OPCML: variants seen among roughly 807,000 people sequenced by gnomAD.
The protein encoded by OPCML is opioid-binding protein/cell adhesion molecule.
A neutral mutation model predicts 37.8 loss-of-function variants in OPCML; 13 were observed. The ratio of observed to expected loss-of-function variants is 0.34; its 90% CI spans 0.22 to 0.55. The LOEUF (loss-of-function observed/expected upper bound fraction) is 0.55. Ranked by LOEUF, OPCML falls within the 20% of genes least tolerant of loss-of-function variation. OPCML has a pLI of 0.91. For missense variants in OPCML, 341 were observed against 435.6 expected (o/e 0.78, Z 1.93); for synonymous variants, 176 against 168.8 (o/e 1.04, Z -0.33).
At chr11:133,323,015 A>C (rs539087264) in intron 1 of OPCML, among the ~76,000 whole-genome samples, 1 of 152,346 alleles carries the variant, frequency 6.6e-6, no homozygotes, top group South Asian at 2.1e-4. Context: ...TGCTGTTAAT[A>C]TATCTAAGTG....
At chr11:133,530,104 G>C (rs903750426) in intron 1 of OPCML, among the ~76,000 whole-genome samples, 1 of 152,304 alleles carries the variant, frequency 6.6e-6, no homozygotes, top group South Asian at 2.1e-4. Context: ...GGGGGTGGGG[G>C]GGATAGCTTG....
chr11:132,994,580 A>T (rs1161686762), intron 1 of OPCML, among the ~76,000 whole-genome samples: 2 of 152,134 alleles, frequency 1.3e-5, no homozygotes, highest in Non-Finnish European at 2.9e-5. Flanking sequence ...TTTCACCTGT[A>T]AGCAGCGTTT....
chr11:132,947,723 G>A (rs982197338), intron 1 of OPCML, among the ~76,000 whole-genome samples: 1 of 152,194 alleles, frequency 6.6e-6, no homozygotes, highest in Admixed American at 6.5e-5. Context: ...ATGCTTGGCT[G>A]AGTATCATGA....
chr11:132,989,563 C>T (rs1409395705), intron 1 of OPCML, among the ~76,000 whole-genome samples: 2 of 150,220 alleles, frequency 1.3e-5, no homozygotes, highest in Non-Finnish European at 3.0e-5. Flanking sequence ...GGGGGAGGAC[C>T]ATGCGCTGGA....
Position 132,933,572 on chromosome 11 carries a change from G to A in OPCML, c.146+9354C>T, listed in dbSNP as rs183906950. On this transcript the variant is annotated intron_variant, in intron 2 of 7. Transcript: ENST00000524381. ...AATATCTTCATTAGAAAAGGGAGAT[G>A]TGTGTGTGTGCGTGTGTGTGAGAAA... Among the ~76,000 whole-genome samples the A allele has an allele frequency of 5.8e-3, 887 of 151,980 alleles. 6 individuals are homozygous for A. The highest frequency in any genetic ancestry group is 0.02 in the African/African-American group (847 of 41,464).
At chr11:132,687,722 C>A (rs931303186) in intron 2 of OPCML, among the ~76,000 whole-genome samples, 2 of 151,840 alleles carry the variant, frequency 1.3e-5, no homozygotes, top group African/African-American at 4.8e-5. Context: ...AAAATCAACT[C>A]CCAAATTGAA....
intron 2 of OPCML, among the ~76,000 whole-genome samples, chr11:132,710,780 G>A (rs1168721012): frequency 6.6e-6 from 1 of 152,062 alleles, no homozygotes; most frequent in Admixed American, 6.5e-5. Context: ...GCTTGAACAT[G>A]GGAGGTGGAG....
At chr11:132,504,317 G>C (rs1021206426) in intron 4 of OPCML, among the ~76,000 whole-genome samples, 1 of 151,808 alleles carries the variant, frequency 6.6e-6, no homozygotes, top group African/African-American at 2.4e-5. Flanking sequence ...AAGGGAGGCC[G>C]AGCAGCCATT....
chr11:132,697,403 ATGT>A (rs1943637164), intron 2 of OPCML, among the ~76,000 whole-genome samples: 1 of 152,172 alleles, frequency 6.6e-6, no homozygotes. Context: ...CATAACCAAA[ATGT>A]TGTATCATTT....
chr11:133,491,787 C>A (rs574835107), intron 1 of OPCML, among the ~76,000 whole-genome samples: 1 of 152,202 alleles, frequency 6.6e-6, no homozygotes, highest in African/African-American at 2.4e-5. Context: ...AAGCACTGAG[C>A]ATTTACCATT....
At chr11:133,404,687 A>C (rs1945488909) in intron 1 of OPCML, among the ~76,000 whole-genome samples, 1 of 152,222 alleles carries the variant, frequency 6.6e-6, no homozygotes, top group Admixed American at 6.5e-5. Flanking sequence ...AGACCAGAGG[A>C]GGCTGATGCA....
chr11:132,951,101 C>T (rs1945849099), intron 1 of OPCML, among the ~76,000 whole-genome samples: 1 of 152,184 alleles, frequency 6.6e-6, no homozygotes, highest in African/African-American at 2.4e-5. Context: ...ACCTCTGCAG[C>T]TCACTCTGTG....
At chr11:133,156,332 G>A (rs1406671072) in intron 1 of OPCML, among the ~76,000 whole-genome samples, 5 of 152,244 alleles carry the variant, frequency 3.3e-5, no homozygotes, top group African/African-American at 9.6e-5. Context: ...AGATTTCTAC[G>A]GGGTTTTTCT....
chr11:132,954,948 G>A (rs758873043), intron 1 of OPCML, among the ~76,000 whole-genome samples: 12 of 152,294 alleles, frequency 7.9e-5, no homozygotes, highest in Non-Finnish European at 1.0e-4. Context: ...CATCCACTAC[G>A]AGAGACTTCA....
intron 1 of OPCML, among the ~76,000 whole-genome samples, chr11:133,430,940 G>A (rs1264323107): frequency 6.6e-6 from 1 of 152,156 alleles, no homozygotes; most frequent in Non-Finnish European, 1.5e-5. Flanking sequence ...TTACCAGAAA[G>A]CAGATTGGCT....
At chr11:132,629,967 G>A (rs114507717) in intron 3 of OPCML, among the ~76,000 whole-genome samples, 2,176 of 152,224 alleles carry the variant, frequency 0.014, 21 homozygotes, top group South Asian at 0.022. Context: ...TAGTATGAAC[G>A]AATTGTACAT....
At chr11:133,273,829 A>C (rs780165613) in intron 1 of OPCML, among the ~76,000 whole-genome samples, 2 of 152,158 alleles carry the variant, frequency 1.3e-5, no homozygotes, top group Non-Finnish European at 2.9e-5. Flanking sequence ...TATCAATGGA[A>C]TCTTTCAATC....
At chr11:133,031,879 C>A (rs1449368288) in intron 1 of OPCML, among the ~76,000 whole-genome samples, 1 of 152,140 alleles carries the variant, frequency 6.6e-6, no homozygotes, top group Admixed American at 6.5e-5. Context: ...ATACAAGTTT[C>A]TATTTGGTAC....
intron 1 of OPCML, among the ~76,000 whole-genome samples, chr11:133,469,338 CAGCACAGTGACATG>C (rs1947051821): frequency 6.6e-6 from 1 of 152,162 alleles, no homozygotes; most frequent in African/African-American, 2.4e-5. Flanking sequence ...CCTACAGTGT[CAGCACAGTGACATG>C]CTGTGCAGCT....
Sources: gnomAD v4.1 joint callset for allele counts (sites outside exome capture counted in the v4.1 genomes callset) on GRCh38, gnomAD v4.1.1 for gene constraint, MANE v1.5 for transcripts, NCBI Gene and HGNC (gene_info 2026-07-23, HGNC 2026-07-21) for gene names.